NCOR1: variants seen among roughly 807,000 people sequenced by gnomAD.
NCOR1 encodes the protein nuclear receptor corepressor 1.
A neutral mutation model predicts 288.1 loss-of-function variants in NCOR1; 63 were observed. The observed-to-expected ratio is 0.22, with a 90% CI of 0.18 to 0.27. The LOEUF (loss-of-function observed/expected upper bound fraction) is 0.27, where lower values mean the gene tolerates loss of function less well. Ranked by LOEUF, NCOR1 falls within the 10% of genes least tolerant of loss-of-function variation. The pLI, the probability that NCOR1 is intolerant of heterozygous loss-of-function variation, is 1.00. For synonymous variants in NCOR1, 1,007 were observed against 1,065.9 expected, an observed-to-expected ratio of 0.94 and a Z score of 1.08; for missense variants, 2,397 against 3,019.2, an observed-to-expected ratio of 0.79 and a Z score of 4.83.
Position 16,048,847 on chromosome 17 carries a change from C to G in NCOR1, c.6534G>C (p.Gln2178His). 3.1e-6 allele frequency: 5 copies of G among 1,607,618 alleles called. No individual in the cohort carries two copies. Among genetic ancestry groups the G allele is most frequent in the Non-Finnish European group, 4.3e-6 (5 of 1,175,812 alleles). Residue 2178 changes from glutamine (Q) to histidine (H), a missense_variant and splice_region_variant, in exon 41 of 46, where the codon CAG (glutamine) becomes CAC (histidine). By Grantham distance (24) the Gln-to-His change is conservative (BLOSUM62 0). This residue lies in a region of NCOR1 where 1,872 missense variants were observed against 2,187.8 expected (regional missense o/e 0.86). Transcript: ENST00000268712. ...CTGTCACTAGGAAGCACACTTACCT[C>G]TGCTCTGCAGGCTCTGCGCCCCTCT... ...LSQRGAEPAEQRNDARSPGSI... is the reference protein window; with the variant it reads ...LSQRGAEPAEHRNDARSPGSI...
intron 1 of NCOR1, among the ~76,000 whole-genome samples, chr17:16,212,915 A>C (rs186958652): frequency 2.6e-5 from 4 of 152,020 alleles, no homozygotes; most frequent in Non-Finnish European, 4.4e-5. Flanking sequence ...CTACAAACAA[A>C]AAAAAAAATT....
intron 1 of NCOR1, among the ~76,000 whole-genome samples, chr17:16,202,329 A>G (rs1380995630): frequency 6.6e-6 from 1 of 151,250 alleles, no homozygotes; most frequent in Non-Finnish European, 1.5e-5. Context: ...TGAACCTGGG[A>G]GGCAGAGGTT....
chr17:16,199,212 A>ACAC (rs1555813691), intron 1 of NCOR1, among the ~76,000 whole-genome samples: 8 of 109,684 alleles, frequency 7.3e-5, no homozygotes, highest in African/African-American at 1.4e-4. Flanking sequence ...AGGAAAAAAA[A>ACAC]AAAAACACAC....
intron 9 of NCOR1, 96 bp from the exon 10 acceptor site, chr17:16,146,644 G>A: frequency 8.8e-7 from 1 of 1,133,386 alleles, no homozygotes; most frequent in Non-Finnish European, 1.2e-6. Flanking sequence ...TTAAGGTTAA[G>A]TCAGAAGTAC....
chr17:16,184,765 C>A (rs1221540566), intron 3 of NCOR1, among the ~76,000 whole-genome samples: 2 of 151,968 alleles, frequency 1.3e-5, no homozygotes, highest in Non-Finnish European at 2.9e-5. Flanking sequence ...AATGCACTCC[C>A]ATGTTATTGC....
intron 27 of NCOR1, among the ~76,000 whole-genome samples, chr17:16,074,288 G>C (rs1016124178): frequency 6.6e-6 from 1 of 152,110 alleles, no homozygotes; most frequent in African/African-American, 2.4e-5. Flanking sequence ...GGAGTGACGT[G>C]GTACACACTT....
intron 1 of NCOR1, among the ~76,000 whole-genome samples, chr17:16,205,040 G>C (rs2091319867): frequency 6.6e-6 from 1 of 152,168 alleles, no homozygotes; most frequent in South Asian, 2.1e-4. Context: ...GACCAACAAG[G>C]AGAAACCCCA....
At chr17:16,160,717 A>C (rs941350644) in intron 5 of NCOR1, among the ~76,000 whole-genome samples, 3 of 152,272 alleles carry the variant, frequency 2.0e-5, no homozygotes, top group African/African-American at 7.2e-5. Context: ...GCTTGAACCC[A>C]GGAGGTGGAG....
At chr17:16,071,778 A>G in intron 29 of NCOR1, 113 bp from the exon 30 acceptor site, 1 of 993,294 alleles carries the variant, frequency 1.0e-6, no homozygotes. Context: ...ATATATTTTA[A>G]CATAATTTAA....
intron 6 of NCOR1, among the ~76,000 whole-genome samples, chr17:16,153,653 T>C (rs889007105): frequency 6.6e-6 from 1 of 152,170 alleles, no homozygotes; most frequent in Non-Finnish European, 1.5e-5. Context: ...AACTTAACAT[T>C]TGTATTGAAA....
rs142122793 is a variant in NCOR1, at chr17:16,153,382, T to G, written c.746A>C (p.Glu249Ala). 108 of 1,597,460 alleles carry G rather than the reference T, an allele frequency of 6.8e-5. No homozygotes were observed. Among genetic ancestry groups the G allele is most frequent in the Admixed American group, 3.1e-4 (18 of 58,706 alleles). Residue 249 changes from glutamate (E) to alanine (A), a missense_variant, in exon 7 of 46, where the codon GAA (glutamate) becomes GCA (alanine). By Grantham distance (107) the Glu-to-Ala change is moderately radical. Coordinates refer to ENST00000268712, the MANE Select transcript of NCOR1 (RefSeq NM_006311.4). ...AAGACCTTCAAAAATTTTATGAGCT[T>G]CTTCTGCTTTTTTCTAGAGATAAAG... ...IYDENRKKAE[E>A]AHKIFEGLGP...
In NCOR1 at chr17:16,080,049, A is replaced by G; in HGVS notation, c.3416T>C (p.Ile1139Thr). 3 of 1,614,010 alleles carry G rather than the reference A, an allele frequency of 1.9e-6. No individual in the cohort carries two copies. Among genetic ancestry groups the G allele is most frequent in the East Asian group, 4.5e-5 (2 of 44,872 alleles). Reference protein sequence around the residue: ...EGVVRGTAGAIQEGSITRGTP... With the variant: ...EGVVRGTAGATQEGSITRGTP... ...TCCCCGAGTTATACTTCCTTCTTGTATGGCTCCTGCGGTACCTGAATACAA... is the reference window on the plus strand; with the variant it reads ...TCCCCGAGTTATACTTCCTTCTTGTGTGGCTCCTGCGGTACCTGAATACAA... Residue 1139 changes from isoleucine to threonine, a missense_variant, in exon 26 of 46, where the codon ATA becomes ACA. Physicochemically the swap from Ile to Thr is moderately conservative, Grantham distance 89. Around this residue, in one of 11 missense-constraint regions of NCOR1, gnomAD observed 1,872 missense variants for 2,187.8 expected, o/e 0.86. Coordinates refer to ENST00000268712, the MANE Select transcript of NCOR1 (RefSeq NM_006311.4).
chr17:16,063,918 G>T, intron 35 of NCOR1, 150 bp downstream of exon 35: 3 of 1,010,574 alleles, frequency 3.0e-6, no homozygotes, highest in East Asian at 2.7e-5. Context: ...AGCTGCTACA[G>T]CACTTTCACC....
rs1567776756 is a variant in NCOR1, at chr17:16,062,112, G to C, written c.5380C>G (p.Arg1794Gly). ...ITPLDPTAQL[R>G]IMPLPAGGPS... ...TATGTACAAGAGACTGACATGATTCGTAGCTGAGCAGTTGGATCCAAAGGT... is the reference window on the plus strand; with the variant it reads ...TATGTACAAGAGACTGACATGATTCCTAGCTGAGCAGTTGGATCCAAAGGT... The change falls in exon 36 of 46, where the codon CGA becomes GGA. Residue 1794 changes from arginine (R) to glycine (G), a missense_variant. Physicochemically the swap from Arg to Gly is moderately radical, Grantham distance 125. Transcript: ENST00000268712. The C allele has an allele frequency of 6.2e-7, 1 of 1,610,610 alleles. No individual in the cohort carries two copies. The highest frequency in any genetic ancestry group is 8.5e-7 in the Non-Finnish European group (1 of 1,179,242).
At chr17:16,149,627 T>A in intron 8 of NCOR1, 110 bp from the exon 9 acceptor site, 1 of 457,656 alleles carries the variant, frequency 2.2e-6, no homozygotes, top group Non-Finnish European at 3.9e-6. Context: ...CTTAAGAATT[T>A]ATGATGTAAA....
At chr17:16,094,056 C>T (rs540649520) in intron 21 of NCOR1, among the ~76,000 whole-genome samples, 2 of 152,022 alleles carry the variant, frequency 1.3e-5, no homozygotes, top group East Asian at 3.9e-4. Flanking sequence ...TGGCACCATG[C>T]GGAGCTAATT....
rs1598216547 is a variant in NCOR1, at chr17:16,073,496, T to C, written c.3744A>G (p.Glu1248=). 6.2e-7 allele frequency: 1 copy of C among 1,612,682 alleles called. No homozygotes were observed. The stretch of plus-strand genomic sequence containing the variant: ...CTTGCTTTATATTTCCTTCCACTGA[T>C]TCATAGCTTCTCTTTAAACTGATTT... The part of the protein sequence containing the change: ...AHEISLKRSY[E]SVEGNIKQGM... Residue 1248 remains glutamate (E), a synonymous_variant, in exon 28 of 46, where the codon GAA becomes GAG. Coordinates refer to ENST00000268712, the MANE Select transcript of NCOR1 (RefSeq NM_006311.4).
intron 44 of NCOR1, among the ~76,000 whole-genome samples, chr17:16,035,527 GTTCT>G (rs1388059000): frequency 2.2e-5 from 3 of 133,388 alleles, no homozygotes; most frequent in Admixed American, 7.4e-5. Flanking sequence ...TAGTTCTCTT[GTTCT>G]TTTTTTTTTT....
chr17:16,070,317 G>C lies in NCOR1; in HGVS notation c.4361C>G (p.Ser1454Cys). 6.2e-7 allele frequency: 1 copy of C among 1,614,142 alleles called. No individual in the cohort carries two copies. Reference sequence around the variant, plus strand: ...TGTGGACCTAAGAACGGAGGGGCCAGAGCTTACCACTGACGTGTGCCGGGA... The same window carrying C: ...TGTGGACCTAAGAACGGAGGGGCCACAGCTTACCACTGACGTGTGCCGGGA... Reference protein sequence around the residue: ...VRSRHTSVVSSGPSVLRSTLH... With the variant: ...VRSRHTSVVSCGPSVLRSTLH... Residue 1454 changes from serine (S) to cysteine (C), a missense_variant, in exon 31 of 46, where the codon TCT (serine) becomes TGT (cysteine). Physicochemically the swap from Ser to Cys is moderately radical, Grantham distance 112. Around this residue, in one of 11 missense-constraint regions of NCOR1, gnomAD observed 1,872 missense variants for 2,187.8 expected, o/e 0.86. Transcript: ENST00000268712.
Sources: allele counts gnomAD v4.1 joint callset (sites outside exome capture counted in the v4.1 genomes callset), GRCh38; gene constraint gnomAD v4.1.1; regional missense constraint gnomAD v4.1.1; transcripts MANE v1.5; gene names NCBI Gene and HGNC (gene_info 2026-07-23, HGNC 2026-07-21).